DUSP8: variants seen among roughly 807,000 people sequenced by gnomAD.
The protein encoded by DUSP8 is dual specificity phosphatase 8, also known as dual specificity protein phosphatase 8.
A neutral mutation model predicts 38.7 loss-of-function variants in DUSP8; 15 were observed. The ratio of observed to expected loss-of-function variants is 0.39; its 90% CI spans 0.26 to 0.60. DUSP8 has a LOEUF of 0.60. Ranked by LOEUF, DUSP8 falls within the 20% of genes least tolerant of loss-of-function variation. The pLI, the probability that DUSP8 is intolerant of heterozygous loss-of-function variation, is 0.56. For missense variants in DUSP8, 768 were observed against 915.0 expected (o/e 0.84, Z 2.07); for synonymous variants, 458 against 433.9 (o/e 1.06, Z -0.69).
In DUSP8 at chr11:1,572,171, CGGCGCGGCTCG is replaced by C. The variant is rs1282325072; in HGVS notation, c.-390_-380del. ...CTCGGCGGGCGCGGCCGGGAGGTTC[CGGCGCGGCTCG>C]GGCTCGGGCTCGGGCTCGGGCTCGG... On this transcript the variant is annotated 5_prime_UTR_variant, in exon 1 of 7. Transcript: ENST00000397374. This position sits in a 1 kb window ranked among gnomAD's most constrained non-coding sequence, Gnocchi z 4.7. 1.4e-5 allele frequency among the ~76,000 whole-genome samples: 2 copies of C among 145,350 alleles called. No homozygotes were observed. The highest frequency in any genetic ancestry group is 3.1e-5 in the Non-Finnish European group (2 of 65,564).
At chr11:1,562,938 C>G (rs559110976) in intron 3 of DUSP8, among the ~76,000 whole-genome samples, 1 of 152,254 alleles carries the variant, frequency 6.6e-6, no homozygotes, top group Admixed American at 6.5e-5. Context: ...CATGCCATGT[C>G]GGGAGGTCGG....
Position 1,554,302 on chromosome 11 carries a change from G to C in DUSP8, c.*2216C>G, listed in dbSNP as rs1467073785. 6.6e-6 allele frequency: 1 copy of C among 152,400 alleles called. No individual in the cohort carries two copies. The highest frequency in any genetic ancestry group is 1.9e-4 in the East Asian group (1 of 5,190). The allele number at this position is 152,400 out of a possible 1,614,324, so 9.4% of individuals were successfully genotyped here. A position where few individuals can be genotyped will look rare whatever the true frequency, so the allele number is the denominator to read the frequency against. On this transcript the variant is annotated 3_prime_UTR_variant, in exon 7 of 7. Coordinates refer to ENST00000397374, the MANE Select transcript of DUSP8 (RefSeq NM_004420.3). ...TGCCAGGCAGTGGCCAGGTGGGAGG[G>C]GCCGGAGAGAGGCTTGGAGAGGACT...
In DUSP8 at chr11:1,554,510, C is replaced by T; in HGVS notation, c.*2008G>A. The T allele has an allele frequency of 2.5e-6, 1 of 402,394 alleles. No homozygotes were observed. The highest frequency in any genetic ancestry group is 3.4e-6 in the Non-Finnish European group (1 of 294,730). The allele number at this position is 402,394 out of a possible 1,614,324, so 24.9% of individuals were successfully genotyped here. ...CCTGCAGCACTGGAGGAGGCAGTGG[C>T]CAACACAGGACCTTCGCCCCCCTGC... On this transcript the variant is annotated 3_prime_UTR_variant, in exon 7 of 7. Coordinates refer to ENST00000397374, the MANE Select transcript of DUSP8 (RefSeq NM_004420.3).
rs1404237484 is a variant in DUSP8, at chr11:1,557,273, G to C, written c.1123C>G (p.Arg375Gly). Residue 375 changes from arginine (R) to glycine (G), a missense_variant, in exon 7 of 7, where the codon CGC (arginine) becomes GGC (glycine). Arg to Gly is a moderately radical substitution (Grantham distance 125, BLOSUM62 -2). This residue lies in a region of DUSP8 where 474 missense variants were observed against 430.8 expected (regional missense o/e 1.10). Coordinates refer to ENST00000397374, the MANE Select transcript of DUSP8 (RefSeq NM_004420.3). This position sits in a 1 kb window ranked among gnomAD's most constrained non-coding sequence, Gnocchi z 9.9. ...PATSALQQGLRGLHLSSDRLQ... is the reference protein window; with the variant it reads ...PATSALQQGLGGLHLSSDRLQ... Reference sequence around the variant, plus strand: ...CGGTCCGAGGAGAGGTGCAGGCCGCGCAGGCCCTGCTGCAGTGCGCTGGTC... The same window carrying C: ...CGGTCCGAGGAGAGGTGCAGGCCGCCCAGGCCCTGCTGCAGTGCGCTGGTC... The C allele has an allele frequency of 2.7e-6, 4 of 1,485,602 alleles. No individual in the cohort carries two copies. In the Admixed American group the frequency reaches 7.2e-5, roughly 27 times the overall value. The allele number at this position is 1,485,602 out of a possible 1,614,324, so 92.0% of individuals were successfully genotyped here. A position where few individuals can be genotyped will look rare whatever the true frequency, so the allele number is the denominator to read the frequency against.
At position 1,558,560 on chromosome 11, in the gene DUSP8, T is replaced by C. The variant is rs1055101703; in HGVS notation, c.538-289A>G. 1.3e-5 allele frequency among the ~76,000 whole-genome samples: 2 copies of C among 152,090 alleles called. No homozygotes were observed. The highest frequency in any genetic ancestry group is 4.8e-5 in the African/African-American group (2 of 41,436). On this transcript the variant is annotated intron_variant, in intron 4 of 6. Coordinates refer to ENST00000397374, the MANE Select transcript of DUSP8 (RefSeq NM_004420.3). The surrounding 1 kb of genome is among the most constrained non-coding windows in gnomAD (Gnocchi z 6.3). The stretch of plus-strand genomic sequence containing the variant: ...TTTATGATTGCCTGGGTGGTGGCTT[T>C]TACCCTTTTCCCTCGTCACCATTTT...
At position 1,556,989 on chromosome 11, in the gene DUSP8, C is replaced by CGCGGGGGAGCGCGCGGGGGAGCCG. The variant is rs1848637878; in HGVS notation, c.1383_1406dup (p.Gly462_Ala469dup). On this transcript the variant is annotated inframe_insertion, in exon 7 of 7. Coordinates refer to ENST00000397374, the MANE Select transcript of DUSP8 (RefSeq NM_004420.3). This position sits in a 1 kb window ranked among gnomAD's most constrained non-coding sequence, Gnocchi z 5.2. ...CGCCGAAGTTCAGGCCGAGGCTGTG[C>CGCGGGGGAGCGCGCGGGGGAGCCG]GCGGGGGAGCGCGCGGGGGAGCCGG... 1 of 1,023,022 alleles carries CGCGGGGGAGCGCGCGGGGGAGCCG rather than the reference C, an allele frequency of 9.8e-7. No individual in the cohort carries two copies. The highest frequency in any genetic ancestry group is 1.2e-6 in the Non-Finnish European group (1 of 857,248). The allele number at this position is 1,023,022 out of a possible 1,614,324, so 63.4% of individuals were successfully genotyped here.
Position 1,563,926 on chromosome 11 carries a change from G to C in DUSP8, c.295C>G (p.Leu99Val), listed in dbSNP as rs1215778462. 2 of 1,546,164 alleles carry C rather than the reference G, an allele frequency of 1.3e-6. No individual in the cohort carries two copies. The highest frequency in any genetic ancestry group is 1.7e-6 in the Non-Finnish European group (2 of 1,144,594). ...ATGGAGAGGAAGCTGTCTGCGGCCA[G>C]CACGCTGGCGTCCCGCGTGCTCTGG... is the stretch of plus-strand genomic sequence containing the variant. Reference protein sequence around the residue: ...YDQSTRDASVLAADSFLSILL... With the variant: ...YDQSTRDASVVAADSFLSILL... The change falls in exon 3 of 7, where the codon CTG (leucine) becomes GTG (valine). Residue 99 changes from leucine (L) to valine (V), a missense_variant. Transcript: ENST00000397374.
In DUSP8 at chr11:1,572,220, C is replaced by G. The variant is rs1309368564; in HGVS notation, c.-428G>C. On this transcript the variant is annotated 5_prime_UTR_variant, in exon 1 of 7. Coordinates refer to ENST00000397374, the MANE Select transcript of DUSP8 (RefSeq NM_004420.3). This position sits in a 1 kb window ranked among gnomAD's most constrained non-coding sequence, Gnocchi z 4.7. ...GGCTCGGGCTCGGGCGTCCGGCGTCCGGCGGGGCGTCGTGGGGGGAGCCGG... is the reference window on the plus strand; with the variant it reads ...GGCTCGGGCTCGGGCGTCCGGCGTCGGGCGGGGCGTCGTGGGGGGAGCCGG... Among the ~76,000 whole-genome samples, 1 of 145,352 alleles carries G rather than the reference C, an allele frequency of 6.9e-6. No individual in the cohort carries two copies. The highest frequency in any genetic ancestry group is 1.5e-5 in the Non-Finnish European group (1 of 65,580).
At chr11:1,562,803 G>T (rs186923242) in intron 3 of DUSP8, among the ~76,000 whole-genome samples, 34 of 152,266 alleles carry the variant, frequency 2.2e-4, no homozygotes, top group African/African-American at 7.7e-4. Flanking sequence ...TCTGACCATG[G>T]CCACCCAGCA....
chr11:1,561,384 C>G (rs1044370503), intron 3 of DUSP8, among the ~76,000 whole-genome samples: 2 of 152,224 alleles, frequency 1.3e-5, no homozygotes, highest in Admixed American at 6.5e-5. Context: ...CAGTCACAGA[C>G]GCACTTCTGC....
At position 1,554,405 on chromosome 11, in the gene DUSP8, T is replaced by G. The variant is rs1299214858; in HGVS notation, c.*2113A>C. ...AGCACTGGAGGAGGCAGTGGCCAGG[T>G]GGGAGGGGCCGGAGAGAGGCTTGGA... On this transcript the variant is annotated 3_prime_UTR_variant, in exon 7 of 7. Transcript: ENST00000397374. 7.0e-6 allele frequency: 1 copy of G among 143,106 alleles called. No homozygotes were observed. Among genetic ancestry groups the G allele is most frequent in the South Asian group, 2.2e-4 (1 of 4,492 alleles). 8.9% of individuals were successfully genotyped at this position (143,106 alleles called of 1,614,324 possible).
chr11:1,555,103 G>A lies in DUSP8; in HGVS notation c.*1415C>T. The stretch of plus-strand genomic sequence containing the variant: ...GCCAAGCCCCTGGCCTCTTCCCACA[G>A]TGACTGGCCCCACTCCTAGACCCTA... On this transcript the variant is annotated 3_prime_UTR_variant, in exon 7 of 7. Transcript: ENST00000397374. The A allele has an allele frequency of 1.0e-6, 1 of 987,438 alleles. No individual in the cohort carries two copies. 61.2% of individuals were successfully genotyped at this position (987,438 alleles called of 1,614,324 possible).
Position 1,558,382 on chromosome 11 carries a change from C to A in DUSP8, c.538-111G>T. Reference sequence around the variant, plus strand: ...AGGAGGGCCTTTAGAATCCTGGGAGCCTTGGAATTTGTCCCAGATCCCAGT... The same window carrying A: ...AGGAGGGCCTTTAGAATCCTGGGAGACTTGGAATTTGTCCCAGATCCCAGT... On this transcript the variant is annotated intron_variant, in intron 4 of 6. Transcript: ENST00000397374. The surrounding 1 kb of genome is among the most constrained non-coding windows in gnomAD (Gnocchi z 6.3). The A allele has an allele frequency of 1.0e-6, 1 of 993,734 alleles. No individual in the cohort carries two copies. Among genetic ancestry groups the A allele is most frequent in the Non-Finnish European group, 1.5e-6 (1 of 677,970 alleles). The allele number at this position is 993,734 out of a possible 1,614,324, so 61.6% of individuals were successfully genotyped here. A position where few individuals can be genotyped will look rare whatever the true frequency, so the allele number is the denominator to read the frequency against.
intron 1 of DUSP8, among the ~76,000 whole-genome samples, chr11:1,570,205 T>C (rs1346433869): frequency 6.6e-6 from 1 of 152,158 alleles, no homozygotes; most frequent in Non-Finnish European, 1.5e-5. Flanking sequence ...GCCGGACATA[T>C]CCAGGTTCCC....
In DUSP8 at chr11:1,557,334, C is replaced by G. The variant is rs755998260; in HGVS notation, c.1062G>C (p.Ala354=). Residue 354 remains alanine, a synonymous_variant, in exon 7 of 7, where the codon GCG becomes GCC. Coordinates refer to ENST00000397374, the MANE Select transcript of DUSP8 (RefSeq NM_004420.3). The surrounding 1 kb of genome is among the most constrained non-coding windows in gnomAD (Gnocchi z 9.9). ...NAAAREGGLS[A]GGEPPAPPTP... Reference sequence around the variant, plus strand: ...TGGGGGGCGCGGGGGGCTCCCCGCCCGCGCTCAGGCCGCCCTCCCTGGCAG... The same window carrying G: ...TGGGGGGCGCGGGGGGCTCCCCGCCGGCGCTCAGGCCGCCCTCCCTGGCAG... The G allele has an allele frequency of 3.3e-6, 5 of 1,524,302 alleles. No homozygotes were observed. The highest frequency in any genetic ancestry group is 3.5e-6 in the Non-Finnish European group (4 of 1,148,486). The allele number at this position is 1,524,302 out of a possible 1,614,324, so 94.4% of individuals were successfully genotyped here. A position where few individuals can be genotyped will look rare whatever the true frequency, so the allele number is the denominator to read the frequency against.
Position 1,557,535 on chromosome 11 carries a change from G to A in DUSP8, c.861C>T (p.Phe287=). ...ACTCCAGCAGCTGGCCCAGGAAGTT[G>A]AAGTTGGGCGAGATGGACGGGCGCC... is the stretch of plus-strand genomic sequence containing the variant. ...KDRRPSISPN[F]NFLGQLLEYE... is the part of the protein sequence containing the mutation. The change falls in exon 7 of 7, where the codon TTC becomes TTT. Residue 287 remains phenylalanine (F), a synonymous_variant. Coordinates refer to ENST00000397374, the MANE Select transcript of DUSP8 (RefSeq NM_004420.3). This position sits in a 1 kb window ranked among gnomAD's most constrained non-coding sequence, Gnocchi z 9.9. The A allele has an allele frequency of 6.3e-7, 1 of 1,591,686 alleles. No individual in the cohort carries two copies. Among genetic ancestry groups the A allele is most frequent in the East Asian group, 2.2e-5 (1 of 44,584 alleles).
chr11:1,568,511 C>T (rs1246796830), intron 1 of DUSP8, among the ~76,000 whole-genome samples: 1 of 152,186 alleles, frequency 6.6e-6, no homozygotes, highest in East Asian at 1.9e-4. Context: ...AGCAAGTTAG[C>T]ACCTCCATCG....
rs1848760298 is a variant in DUSP8 at position 1,563,912 on chromosome 11, G to A, written c.309C>T (p.Ser103=). Residue 103 remains serine, a synonymous_variant, in exon 3 of 7, where the codon AGC becomes AGT. Coordinates refer to ENST00000397374, the MANE Select transcript of DUSP8 (RefSeq NM_004420.3). The part of the protein sequence containing the change: ...TRDASVLAAD[S]FLSILLSKLD... Reference sequence around the variant, plus strand: ...GCTTGCTCAGCAGGATGGAGAGGAAGCTGTCTGCGGCCAGCACGCTGGCGT... The same window carrying A: ...GCTTGCTCAGCAGGATGGAGAGGAAACTGTCTGCGGCCAGCACGCTGGCGT... 1.3e-6 allele frequency: 2 copies of A among 1,549,794 alleles called. No homozygotes were observed. Among genetic ancestry groups the A allele is most frequent in the Non-Finnish European group, 1.7e-6 (2 of 1,146,658 alleles).
chr11:1,558,286 G>T lies in DUSP8; in HGVS notation c.538-15C>A. 11 of 796,124 alleles carry T rather than the reference G, an allele frequency of 1.4e-5. No homozygotes were observed. Among genetic ancestry groups the T allele is most frequent in the Non-Finnish European group, 2.1e-5 (10 of 477,242 alleles). 49.3% of individuals were successfully genotyped at this position (796,124 alleles called of 1,614,324 possible). A position where few individuals can be genotyped will look rare whatever the true frequency, so the allele number is the denominator to read the frequency against. On this transcript the variant is annotated splice_polypyrimidine_tract_variant and intron_variant, in intron 4 of 6. Transcript: ENST00000397374. The surrounding 1 kb of genome is among the most constrained non-coding windows in gnomAD (Gnocchi z 6.3). ...GTCATCAGATCCTGGAGGGGCGGGA[G>T]GGCGGGTTGGAAAGGGGTGGGAGAA...
Sources: gnomAD v4.1 joint callset for allele counts (sites outside exome capture counted in the v4.1 genomes callset) on GRCh38, gnomAD v4.1.1 for gene constraint, gnomAD v4.1.1 regional missense constraint, Gnocchi (gnomAD v3.1) non-coding constraint, MANE v1.5 for transcripts, NCBI Gene and HGNC (gene_info 2026-07-23, HGNC 2026-07-21) for gene names.